CLIC5: variants seen among roughly 807,000 people sequenced by gnomAD.
The protein encoded by CLIC5 is CLIC family member 5, also known as chloride intracellular channel protein 5.
In CLIC5, 20 loss-of-function variants were observed where a neutral mutation model predicts 24.7. That is an observed-to-expected ratio of 0.81 (90% CI 0.57 to 1.18). The LOEUF is 1.18. Among genes scored for constraint, CLIC5 ranks in the 50% most tolerant of loss-of-function variants. The pLI is 0.00. For synonymous variants in CLIC5, 159 were observed against 135.6 expected (o/e 1.17, Z -1.20); for missense variants, 341 against 326.1 (o/e 1.05, Z -0.35).
chr6:45,946,490 G>T (rs1262793114), intron 3 of CLIC5, among the ~76,000 whole-genome samples: 1 of 152,168 alleles, frequency 6.6e-6, no homozygotes, highest in African/African-American at 2.4e-5. Context: ...ATAATGTGTT[G>T]GCTTTTGGCA....
At chr6:46,024,748 C>A (rs1368150613) in intron 1 of CLIC5, among the ~76,000 whole-genome samples, 3 of 152,116 alleles carry the variant, frequency 2.0e-5, no homozygotes, top group African/African-American at 7.2e-5. Context: ...GGGCTGTAGG[C>A]AAGAGGTGGT....
At chr6:45,924,811 C>T (rs1411851542) in intron 4 of CLIC5, among the ~76,000 whole-genome samples, 1 of 152,070 alleles carries the variant, frequency 6.6e-6, no homozygotes, top group African/African-American at 2.4e-5. Flanking sequence ...ATCAAAAATA[C>T]TCATCTTCCT....
At chr6:46,035,903 C>A (rs1459625313) in intron 1 of CLIC5, among the ~76,000 whole-genome samples, 3 of 152,042 alleles carry the variant, frequency 2.0e-5, no homozygotes, top group Admixed American at 6.6e-5. Context: ...TGCCACCACA[C>A]CCAGCTAATT....
At chr6:46,002,941 C>A (rs752758878) in intron 1 of CLIC5, among the ~76,000 whole-genome samples, 4 of 152,186 alleles carry the variant, frequency 2.6e-5, no homozygotes, top group Non-Finnish European at 4.4e-5. Flanking sequence ...TCTGATTTAG[C>A]GCAGCAATTT....
chr6:46,112,488 C>T, the CLIC5 span, among the ~76,000 whole-genome samples: 5 of 152,146 alleles, frequency 3.3e-5, no homozygotes, highest in African/African-American at 4.8e-5. Flanking sequence ...GATGGTGTAT[C>T]GGCTTCTGAA....
intron 1 of CLIC5, among the ~76,000 whole-genome samples, chr6:45,961,436 T>C (rs1467879571): frequency 6.6e-6 from 1 of 152,232 alleles, no homozygotes; most frequent in East Asian, 1.9e-4. Context: ...ATCAGGTCTC[T>C]CTAACTCCTG....
At chr6:46,080,315 C>T (rs1471516950) in exon 1 of CLIC5, 2 of 1,292,968 alleles carry the variant, frequency 1.5e-6, no homozygotes, top group Non-Finnish European at 2.1e-6. Context: ...ACAGAGGATG[C>T]TGCACCACCT....
chr6:45,918,702 G>T (rs1327143901), intron 4 of CLIC5, among the ~76,000 whole-genome samples: 1 of 152,250 alleles, frequency 6.6e-6, no homozygotes, highest in Non-Finnish European at 1.5e-5. Context: ...CCATGGAGAA[G>T]GAGGTTGTGG....
chr6:45,886,164 T>C (rs748685011), intron 6 of CLIC5, among the ~76,000 whole-genome samples: 40 of 152,188 alleles, frequency 2.6e-4, no homozygotes, highest in Non-Finnish European at 5.7e-4. Flanking sequence ...TGAAATGGGT[T>C]GGTCGGTGGT....
chr6:46,016,406 G>C (rs964595354), upstream of CLIC5, among the ~76,000 whole-genome samples: 5 of 152,114 alleles, frequency 3.3e-5, no homozygotes, highest in Non-Finnish European at 5.9e-5. Context: ...AGGAGAGTAG[G>C]GTGCTGGGGA....
intron 1 of CLIC5, among the ~76,000 whole-genome samples, chr6:46,038,602 A>C (rs373613127): frequency 1.9e-3 from 295 of 152,346 alleles, no homozygotes; most frequent in African/African-American, 6.9e-3. Flanking sequence ...ACCCTACTTC[A>C]TGTCAACAGT....
intron 3 of CLIC5, 49 bp downstream of exon 3, chr6:45,949,207 A>G (rs765296274): frequency 4.4e-6 from 7 of 1,589,496 alleles, no homozygotes; most frequent in Non-Finnish European, 6.0e-6. Context: ...TTATAGATCC[A>G]GCATGAACCC....
chr6:45,940,454 G>T (rs3822887), intron 4 of CLIC5, among the ~76,000 whole-genome samples: 1 of 152,164 alleles, frequency 6.6e-6, no homozygotes, highest in Middle Eastern at 3.4e-3. Flanking sequence ...TTTACTTCCC[G>T]ATACACCAAC....
intron 1 of CLIC5, among the ~76,000 whole-genome samples, chr6:46,078,849 G>T (rs530702714): frequency 6.6e-6 from 1 of 152,270 alleles, no homozygotes; most frequent in African/African-American, 2.4e-5. Context: ...AAATGTTACT[G>T]GGAACTGGGG....
At chr6:46,059,106 G>A (rs1768344341) in intron 1 of CLIC5, among the ~76,000 whole-genome samples, 1 of 152,190 alleles carries the variant, frequency 6.6e-6, no homozygotes, top group Non-Finnish European at 1.5e-5. Context: ...AATCCTGTGA[G>A]CTTCTCAAAT....
chr6:45,959,518 TTTGTTGTTGTTG>T (rs151117400), intron 1 of CLIC5, among the ~76,000 whole-genome samples: 131,169 of 151,500 alleles, frequency 0.87, 57,248 homozygotes, highest in Non-Finnish European at 0.9. Context: ...ATATGGGGCT[TTTGTTGTTGTTG>T]TTGTTGTTGT....
chr6:45,902,959 T>C lies in CLIC5; in HGVS notation c.*129A>G, dbSNP rs536635423. 5.9e-5 allele frequency: 59 copies of C among 1,004,092 alleles called. No individual in the cohort carries two copies. The South Asian group carries it at 8.7e-4, about 15-fold the overall frequency. The allele number at this position is 1,004,092 out of a possible 1,614,324, so 62.2% of individuals were successfully genotyped here. ...AGATAGCAGGCTGGAGTTCCCATGA[T>C]ACCAGCAAGATGAGGCTTGATTATA... is the stretch of plus-strand genomic sequence containing the variant. On this transcript the variant is annotated 3_prime_UTR_variant, in exon 6 of 6. Coordinates refer to ENST00000339561, the MANE Select transcript of CLIC5 (RefSeq NM_016929.5).
At position 45,941,673 on chromosome 6, in the gene CLIC5, G is replaced by T; in HGVS notation, c.300-20C>A. 1 of 1,572,084 alleles carries T rather than the reference G, an allele frequency of 6.4e-7. No individual in the cohort carries two copies. The highest frequency in any genetic ancestry group is 8.8e-7 in the Non-Finnish European group (1 of 1,141,750). The stretch of plus-strand genomic sequence containing the variant: ...GGGTACCTGGAATGGAGGATGCAGT[G>T]TTCTGTGAATCAGTAGACTTGGAGC... On this transcript the variant is annotated intron_variant, in intron 3 of 5. Transcript: ENST00000339561.
intron 1 of CLIC5, among the ~76,000 whole-genome samples, chr6:45,983,244 C>T (rs1213119223): frequency 6.6e-6 from 1 of 152,108 alleles, no homozygotes; most frequent in Admixed American, 6.5e-5. Flanking sequence ...GAGAGGAATG[C>T]TGGGGAGGAC....
Sources: gnomAD v4.1 joint callset for allele counts (sites outside exome capture counted in the v4.1 genomes callset) on GRCh38, gnomAD v4.1.1 for gene constraint, MANE v1.5 for transcripts, NCBI Gene and HGNC (gene_info 2026-07-23, HGNC 2026-07-21) for gene names.